The following MAGI1 variants were observed in gnomAD, a reference collection of about 807,000 sequenced individuals.
The protein encoded by MAGI1 is membrane-associated guanylate kinase, WW and PDZ domain-containing protein 1.
Under a neutral mutation model 139.9 loss-of-function variants are expected in MAGI1, and 58 were observed. That is an observed-to-expected ratio of 0.41 (90% CI 0.34 to 0.52). MAGI1 has a LOEUF of 0.52. Ranked by LOEUF, MAGI1 falls within the 20% of genes least tolerant of loss-of-function variation. The pLI is 0.12. For synonymous variants in MAGI1, 812 were observed against 737.9 expected (o/e 1.10, Z -1.63); for missense variants, 1,874 against 1,901.6 (o/e 0.99, Z 0.27).
At chr3:65,425,554 A>T (rs1946982094) in intron 12 of MAGI1, among the ~76,000 whole-genome samples, 1 of 152,186 alleles carries the variant, frequency 6.6e-6, no homozygotes, top group Admixed American at 6.5e-5. Flanking sequence ...GTCAGGGTAG[A>T]AGTAGTACCC....
rs574092935 is a variant in MAGI1, at chr3:65,619,108, G to T, written c.430+2864C>A. ...AGCACTGGATGAACACTTTAAACAGGTAAGTTGTATGGTATGTGAATTATA... is the reference window on the plus strand; with the variant it reads ...AGCACTGGATGAACACTTTAAACAGTTAAGTTGTATGGTATGTGAATTATA... On this transcript the variant is annotated intron_variant, in intron 2 of 22. Coordinates refer to ENST00000402939, the MANE Select transcript of MAGI1 (RefSeq NM_001033057.2). Among the ~76,000 whole-genome samples the T allele has an allele frequency of 3.9e-5, 6 of 152,298 alleles. No individual in the cohort carries two copies. In the East Asian group the frequency reaches 9.6e-4, roughly 24 times the overall value.
intron 1 of MAGI1, among the ~76,000 whole-genome samples, chr3:66,006,484 T>A (rs1253037090): frequency 6.6e-6 from 1 of 152,206 alleles, no homozygotes; most frequent in Non-Finnish European, 1.5e-5. Flanking sequence ...TATGTATATA[T>A]GTGTGTATGG....
intron 1 of MAGI1, chr3:65,717,326 A>G (rs971486400): frequency 3.3e-5 from 5 of 152,182 alleles, no homozygotes; most frequent in Non-Finnish European, 5.9e-5. Context: ...GATGATCACA[A>G]CTAGGGTTGG....
At chr3:66,022,237 A>C (rs1390371391) in intron 1 of MAGI1, among the ~76,000 whole-genome samples, 1 of 152,176 alleles carries the variant, frequency 6.6e-6, no homozygotes, top group African/African-American at 2.4e-5. Context: ...TTTTTAGCTA[A>C]AATGTCGCAG....
chr3:65,419,179 G>T (rs1946451680), intron 12 of MAGI1, among the ~76,000 whole-genome samples: 1 of 150,210 alleles, frequency 6.7e-6, no homozygotes, highest in South Asian at 2.1e-4. Flanking sequence ...AAACTTATGT[G>T]ACTATGTTCC....
chr3:65,637,318 C>A (rs1576557184), intron 1 of MAGI1, among the ~76,000 whole-genome samples: 1 of 151,856 alleles, frequency 6.6e-6, no homozygotes, highest in Non-Finnish European at 1.5e-5. Context: ...TTCGGGAGGC[C>A]AAGGCAGACA....
chr3:65,979,899 T>A (rs560795331), intron 1 of MAGI1, among the ~76,000 whole-genome samples: 47 of 152,278 alleles, frequency 3.1e-4, no homozygotes, highest in Non-Finnish European at 5.9e-4. Flanking sequence ...CACCCTGGAC[T>A]CCAGAGAGTC....
At chr3:65,759,167 G>C (rs1185277444) in intron 1 of MAGI1, among the ~76,000 whole-genome samples, 1 of 151,464 alleles carries the variant, frequency 6.6e-6, no homozygotes, top group Non-Finnish European at 1.5e-5. Flanking sequence ...GGAGAGCAAG[G>C]AATCGGATCA....
intron 1 of MAGI1, among the ~76,000 whole-genome samples, chr3:65,834,945 T>C (rs1344114032): frequency 4.6e-5 from 7 of 152,210 alleles, no homozygotes; most frequent in Non-Finnish European, 7.3e-5. Flanking sequence ...CCTTTTTCCA[T>C]CCTTTTACTT....
intron 1 of MAGI1, among the ~76,000 whole-genome samples, chr3:65,825,636 C>G (rs2042183271): frequency 6.6e-6 from 1 of 152,122 alleles, no homozygotes. Flanking sequence ...TAAAAGGTAA[C>G]ATAAAACTAT....
intron 1 of MAGI1, among the ~76,000 whole-genome samples, chr3:65,861,808 G>T (rs1178193656): frequency 6.6e-6 from 1 of 152,094 alleles, no homozygotes; most frequent in East Asian, 1.9e-4. Flanking sequence ...CTAAAATGTG[G>T]ATCTAACTTT....
intron 1 of MAGI1, among the ~76,000 whole-genome samples, chr3:65,894,103 C>G (rs557736591): frequency 1.1e-4 from 16 of 152,174 alleles, no homozygotes; most frequent in Non-Finnish European, 2.1e-4. Context: ...CACATGGCCA[C>G]CCCTCCATAC....
chr3:65,492,118 C>T (rs9854638), intron 3 of MAGI1, among the ~76,000 whole-genome samples: 25,286 of 152,022 alleles, frequency 0.17, 2,253 homozygotes, highest in African/African-American at 0.22. Context: ...TAAAATGCCC[C>T]GTGAATGCCT....
chr3:65,694,388 T>C (rs2088957559), intron 1 of MAGI1, among the ~76,000 whole-genome samples: 1 of 152,176 alleles, frequency 6.6e-6, no homozygotes, highest in Non-Finnish European at 1.5e-5. Flanking sequence ...TGGGGATTAA[T>C]TGAAATGGTA....
intron 2 of MAGI1, among the ~76,000 whole-genome samples, chr3:65,609,318 C>T (rs1159267345): frequency 6.6e-5 from 10 of 151,316 alleles, no homozygotes; most frequent in African/African-American, 2.0e-4. Context: ...TGCTCTGTCA[C>T]CCACGCTGGA....
At chr3:65,432,196 G>C (rs1947505718) in intron 10 of MAGI1, among the ~76,000 whole-genome samples, 1 of 152,092 alleles carries the variant, frequency 6.6e-6, no homozygotes, top group African/African-American at 2.4e-5. Context: ...ATTATCCCAA[G>C]TAGTAGACCT....
chr3:65,892,638 TA>T (rs1179762856), intron 1 of MAGI1, among the ~76,000 whole-genome samples: 1 of 152,196 alleles, frequency 6.6e-6, no homozygotes, highest in Admixed American at 6.5e-5. Flanking sequence ...TGTTCAACTT[TA>T]CACATTGTTT....
At chr3:65,374,364 C>CTGGA (rs1240887506) in intron 18 of MAGI1, among the ~76,000 whole-genome samples, 1 of 125,904 alleles carries the variant, frequency 7.9e-6, no homozygotes, top group African/African-American at 3.1e-5. Flanking sequence ...GTTGCCCAGG[C>CTGGA]TGGAGTGCAG....
At chr3:65,842,795 G>A (rs145133415) in intron 1 of MAGI1, among the ~76,000 whole-genome samples, 286 of 152,270 alleles carry the variant, frequency 1.9e-3, no homozygotes, top group African/African-American at 6.2e-3. Flanking sequence ...CGCTTCTCCT[G>A]GAAGGTGAAG....
Sources: gnomAD v4.1 joint callset for allele counts (sites outside exome capture counted in the v4.1 genomes callset) on GRCh38, gnomAD v4.1.1 for gene constraint, MANE v1.5 for transcripts, NCBI Gene and HGNC (gene_info 2026-07-23, HGNC 2026-07-21) for gene names.